The following DEAF1 variants were observed in gnomAD, a reference collection of about 807,000 sequenced individuals.
The protein encoded by DEAF1 is DEAF1 transcription factor, also known as deformed epidermal autoregulatory factor 1 homolog.
In DEAF1, 53 loss-of-function variants were observed where a neutral mutation model predicts 58.9. The ratio of observed to expected loss-of-function variants is 0.90; its 90% CI spans 0.72 to 1.13. DEAF1 has a LOEUF of 1.13. DEAF1 is among the 50% of genes most tolerant of loss of function. The pLI is 0.00. For synonymous variants in DEAF1, 385 were observed against 340.4 expected (o/e 1.13, Z -1.44); for missense variants, 685 against 791.4 (o/e 0.87, Z 1.61).
At position 694,992 on chromosome 11, in the gene DEAF1, ACCG is replaced by A. The variant is rs1564957147; in HGVS notation, c.53_55del (p.Ala18del). The A allele has an allele frequency of 7.5e-6, 8 of 1,060,890 alleles. No homozygotes were observed. Among genetic ancestry groups the A allele is most frequent in the East Asian group, 6.5e-5 (1 of 15,470 alleles). 65.7% of individuals were successfully genotyped at this position (1,060,890 alleles called of 1,614,324 possible). A position where few individuals can be genotyped will look rare whatever the true frequency, so the allele number is the denominator to read the frequency against. On this transcript the variant is annotated inframe_deletion, in exon 1 of 12. Coordinates refer to ENST00000382409, the MANE Select transcript of DEAF1 (RefSeq NM_021008.4). ...CGCCGCCACAGCGGCCGCGGCCGCCACCGCCGCCGCCTCAGCCAGGCCCAGCTG... is the reference window on the plus strand; with the variant it reads ...CGCCGCCACAGCGGCCGCGGCCGCCACCGCCGCCTCAGCCAGGCCCAGCTG...
At chr11:702,947 A>T in intron 1 of DEAF1, 1 of 1,605,844 alleles carries the variant, frequency 6.2e-7, no homozygotes, top group African/African-American at 1.3e-5. Flanking sequence ...TTCTCCAGGC[A>T]CCAGGGGCAA....
intron 2 of DEAF1, among the ~76,000 whole-genome samples, chr11:690,701 G>A (rs901934346): frequency 6.6e-5 from 10 of 152,086 alleles, no homozygotes; most frequent in African/African-American, 2.4e-4. Context: ...AGCCGAGATT[G>A]CACCACTGCA....
At chr11:696,206 TCGCGGG>T (rs551494395), upstream of DEAF1, among the ~76,000 whole-genome samples, 8 of 151,464 alleles carry the variant, frequency 5.3e-5, no homozygotes, top group Admixed American at 5.3e-4. Context: ...CCAAAGAAAA[TCGCGGG>T]CGCCGGTGCC....
chr11:653,887 G>A (rs1027950715), intron 11 of DEAF1, 75 bp downstream of exon 11: 1 of 1,331,878 alleles, frequency 7.5e-7, no homozygotes, highest in South Asian at 1.2e-5. Flanking sequence ...AGCACAAGGG[G>A]AGGGAGGGCC....
rs576469797 is a variant in DEAF1, at chr11:644,946, T to C, written c.1594-292A>G. ...GGGAGGCCCAGGAGGGTGGATCCCC[T>C]GAGGTCAGGAGTTCGAGACCAGCCT... On this transcript the variant is annotated intron_variant, in intron 11 of 11. Coordinates refer to ENST00000382409, the MANE Select transcript of DEAF1 (RefSeq NM_021008.4). The surrounding 1 kb of genome is among the most constrained non-coding windows in gnomAD (Gnocchi z 4.3). Among the ~76,000 whole-genome samples the C allele has an allele frequency of 3.9e-4, 60 of 152,228 alleles. No homozygotes were observed. The East Asian group carries it at 8.2e-3, about 21-fold the overall frequency.
intron 2 of DEAF1, among the ~76,000 whole-genome samples, chr11:691,179 G>A (rs998159235): frequency 6.6e-6 from 1 of 152,250 alleles, no homozygotes; most frequent in Admixed American, 6.5e-5. Context: ...AGGAGCACAG[G>A]CAGGGCCGGG....
chr11:704,954 G>C, intron 1 of DEAF1: 1 of 337,296 alleles, frequency 3.0e-6, no homozygotes, highest in Admixed American at 4.2e-5. Flanking sequence ...CTGAGCTCTG[G>C]GTCAGGGCAA....
intron 1 of DEAF1, among the ~76,000 whole-genome samples, chr11:693,919 G>A (rs1285851854): frequency 6.6e-6 from 1 of 152,138 alleles, no homozygotes; most frequent in Admixed American, 6.5e-5. Context: ...AAAGGCAAGA[G>A]GAAGAGGGAG....
chr11:691,355 G>C, intron 2 of DEAF1, 146 bp downstream of exon 2: 2 of 756,112 alleles, frequency 2.6e-6, no homozygotes, highest in Non-Finnish European at 4.5e-6. Context: ...GAAGGCCTCT[G>C]AGAGCAGAGC....
chr11:679,102 G>C (rs900595186), intron 8 of DEAF1, among the ~76,000 whole-genome samples: 3 of 152,158 alleles, frequency 2.0e-5, no homozygotes, highest in Admixed American at 1.3e-4. Context: ...CACGAGGTCA[G>C]GAGATAGAGA....
chr11:670,498 T>C (rs964700820), intron 10 of DEAF1, among the ~76,000 whole-genome samples: 3 of 151,738 alleles, frequency 2.0e-5, no homozygotes, highest in Admixed American at 6.6e-5. Context: ...GTAGATCACT[T>C]GAGGCCTGGA....
intron 5 of DEAF1, among the ~76,000 whole-genome samples, chr11:685,903 G>A (rs1192783789): frequency 6.6e-6 from 1 of 151,918 alleles, no homozygotes; most frequent in African/African-American, 2.4e-5. Context: ...CCAGCACTTT[G>A]AGAGGCGAGG....
At chr11:672,206 A>G (rs1859860862) in intron 10 of DEAF1, among the ~76,000 whole-genome samples, 1 of 152,230 alleles carries the variant, frequency 6.6e-6, no homozygotes. Context: ...GTCTGGTAGA[A>G]TCCGTAACAA....
chr11:684,206 T>C (rs1306969545), intron 6 of DEAF1, among the ~76,000 whole-genome samples: 1 of 149,626 alleles, frequency 6.7e-6, no homozygotes, highest in African/African-American at 2.5e-5. Flanking sequence ...TCACATGTGG[T>C]CAGGAGTTTG....
chr11:663,762 C>A (rs1253233278), intron 10 of DEAF1, among the ~76,000 whole-genome samples: 1 of 152,200 alleles, frequency 6.6e-6, no homozygotes, highest in Non-Finnish European at 1.5e-5. Context: ...GAATACCAGG[C>A]TTTTGGCCTT....
intron 1 of DEAF1, chr11:700,283 T>G (rs1158898703): frequency 6.5e-7 from 1 of 1,547,982 alleles, no homozygotes; most frequent in Admixed American, 1.7e-5. Flanking sequence ...TCCCAACATT[T>G]TGGGAGGCTG....
chr11:656,571 A>C (rs551242186), intron 10 of DEAF1, among the ~76,000 whole-genome samples: 28 of 152,360 alleles, frequency 1.8e-4, no homozygotes, highest in Non-Finnish European at 3.2e-4. Flanking sequence ...CGGGCCAGGC[A>C]GGACCCTGGT....
At chr11:669,148 A>G (rs1162716376) in intron 10 of DEAF1, among the ~76,000 whole-genome samples, 1 of 92,282 alleles carries the variant, frequency 1.1e-5, no homozygotes, top group African/African-American at 4.7e-5. Flanking sequence ...TTTTTTTTGT[A>G]CAGACAGGGT....
At chr11:677,423 A>C (rs1860132759) in intron 9 of DEAF1, among the ~76,000 whole-genome samples, 2 of 103,532 alleles carry the variant, frequency 1.9e-5, no homozygotes, top group African/African-American at 5.8e-5. Context: ...CCATCTCAAA[A>C]AAAAAACAAA....
Sources: gnomAD v4.1 joint callset for allele counts (sites outside exome capture counted in the v4.1 genomes callset) on GRCh38, gnomAD v4.1.1 for gene constraint, Gnocchi (gnomAD v3.1) non-coding constraint, MANE v1.5 for transcripts, NCBI Gene and HGNC (gene_info 2026-07-23, HGNC 2026-07-21) for gene names.